LRRTM4: variants seen among roughly 807,000 people sequenced by gnomAD.
LRRTM4 encodes leucine rich repeat transmembrane neuronal 4, also known as leucine-rich repeat transmembrane neuronal protein 4.
In LRRTM4, 25 loss-of-function variants were observed where a neutral mutation model predicts 47.6. That is an observed-to-expected ratio of 0.53 (90% CI 0.38 to 0.73). The LOEUF is 0.73. LRRTM4 is among the 30% of genes least tolerant of loss of function. The pLI, the probability that LRRTM4 is intolerant of heterozygous loss-of-function variation, is 0.00. For synonymous variants in LRRTM4, 311 were observed against 269.5 expected, an observed-to-expected ratio of 1.15 and a Z score of -1.51; for missense variants, 638 against 713.4, an observed-to-expected ratio of 0.89 and a Z score of 1.20.
rs181481819 is a variant in LRRTM4, at chr2:76,870,784, T to C, written c.1552-121868A>G. ...TTGTAATGCCATAGAAAGTACATAC[T>C]TGTGGTGCAACCCTATGCTTATCAT... is the stretch of plus-strand genomic sequence containing the variant. On this transcript the variant is annotated intron_variant, in intron 3 of 3. Coordinates refer to ENST00000409884, the MANE Select transcript of LRRTM4 (RefSeq NM_001134745.3). Among the ~76,000 whole-genome samples the C allele has an allele frequency of 5.3e-5, 8 of 152,338 alleles. No individual in the cohort carries two copies. In the East Asian group the frequency reaches 7.7e-4, roughly 15 times the overall value.
Position 77,290,198 on chromosome 2 carries a change from G to A in LRRTM4, c.1551+228120C>T, listed in dbSNP as rs549186486. 8.6e-5 allele frequency among the ~76,000 whole-genome samples: 13 copies of A among 152,028 alleles called. No homozygotes were observed. The South Asian group carries it at 2.1e-3, about 24-fold the overall frequency. ...CCTACTATTAGGTGAAACTTTCCCA[G>A]TCACTATATGATATTAATTCAAGAC... On this transcript the variant is annotated intron_variant, in intron 3 of 3. Coordinates refer to ENST00000409884, the MANE Select transcript of LRRTM4 (RefSeq NM_001134745.3).
At chr2:76,978,136 T>A (rs75186552) in intron 3 of LRRTM4, among the ~76,000 whole-genome samples, 2,453 of 152,126 alleles carry the variant, frequency 0.016, 76 homozygotes, top group African/African-American at 0.056. Context: ...ATAGTTTTCT[T>A]TCTTTTATGA....
rs1029624923 is a variant in LRRTM4, at chr2:77,424,215, C to T, written c.1551+94103G>A. 3.9e-5 allele frequency among the ~76,000 whole-genome samples: 6 copies of T among 152,192 alleles called. No homozygotes were observed. The East Asian group carries it at 1.2e-3, about 29-fold the overall frequency. The stretch of plus-strand genomic sequence containing the variant: ...CATGCAAACTTGGAATTCTCCTGGG[C>T]ATATAGCAAGAGTTCTGTACATTTT... On this transcript the variant is annotated intron_variant, in intron 3 of 3. Coordinates refer to ENST00000409884, the MANE Select transcript of LRRTM4 (RefSeq NM_001134745.3).
chr2:77,189,774 C>A (rs1364798774), intron 3 of LRRTM4, among the ~76,000 whole-genome samples: 1 of 151,968 alleles, frequency 6.6e-6, no homozygotes. Flanking sequence ...TACATATACA[C>A]ACACACACAC....
At chr2:76,894,266 T>C (rs937260409) in intron 3 of LRRTM4, among the ~76,000 whole-genome samples, 7 of 152,156 alleles carry the variant, frequency 4.6e-5, no homozygotes, top group Non-Finnish European at 7.4e-5. Flanking sequence ...AACCTTATGA[T>C]ACTTATGCAC....
At chr2:76,975,179 T>G (rs1676376227) in intron 3 of LRRTM4, among the ~76,000 whole-genome samples, 1 of 151,864 alleles carries the variant, frequency 6.6e-6, no homozygotes, top group Admixed American at 6.6e-5. Flanking sequence ...GGAAAACCCA[T>G]AATTTGTTTT....
chr2:76,979,018 A>T (rs1676509165), intron 3 of LRRTM4, among the ~76,000 whole-genome samples: 1 of 152,042 alleles, frequency 6.6e-6, no homozygotes, highest in Non-Finnish European at 1.5e-5. Context: ...GAGTGGAGGA[A>T]AAGGACTTTG....
intron 3 of LRRTM4, among the ~76,000 whole-genome samples, chr2:76,795,384 TAAC>T (rs1339104128): frequency 6.6e-6 from 1 of 152,118 alleles, no homozygotes; most frequent in African/African-American, 2.4e-5. Flanking sequence ...ATAAGACAAT[TAAC>T]AAAAAGTCTA....
At chr2:77,447,234 C>G (rs940610860) in intron 3 of LRRTM4, among the ~76,000 whole-genome samples, 5 of 147,674 alleles carry the variant, frequency 3.4e-5, no homozygotes, top group African/African-American at 1.2e-4. Flanking sequence ...CAAATTTTTC[C>G]AAGGCAATTT....
chr2:76,883,926 C>A (rs1236777061), intron 3 of LRRTM4, among the ~76,000 whole-genome samples: 1 of 152,004 alleles, frequency 6.6e-6, no homozygotes, highest in African/African-American at 2.4e-5. Flanking sequence ...TCAAATGATA[C>A]TCCTGCCTCA....
intron 3 of LRRTM4, among the ~76,000 whole-genome samples, chr2:76,812,160 C>A (rs1449602020): frequency 2.0e-5 from 3 of 152,050 alleles, no homozygotes; most frequent in African/African-American, 7.2e-5. Context: ...CTAGTGGAAG[C>A]CTTTGAGGTC....
At chr2:76,842,705 T>C (rs560793973) in intron 3 of LRRTM4, among the ~76,000 whole-genome samples, 1 of 151,964 alleles carries the variant, frequency 6.6e-6, no homozygotes, top group Admixed American at 6.6e-5. Context: ...AATTTTCTTT[T>C]TTTAACTTTA....
intron 3 of LRRTM4, among the ~76,000 whole-genome samples, chr2:77,307,621 TA>T (rs1677321730): frequency 2.6e-5 from 2 of 78,192 alleles, no homozygotes; most frequent in African/African-American, 1.4e-4. Context: ...ATCTATATAT[TA>T]TAGAAATATA....
chr2:77,244,291 T>A (rs1675362548), intron 3 of LRRTM4, among the ~76,000 whole-genome samples: 1 of 146,816 alleles, frequency 6.8e-6, no homozygotes, highest in Non-Finnish European at 1.5e-5. Flanking sequence ...TACCCAGTAA[T>A]GGGATGGCTG....
intron 3 of LRRTM4, among the ~76,000 whole-genome samples, chr2:77,468,822 A>G (rs1677081160): frequency 6.6e-6 from 1 of 152,190 alleles, no homozygotes; most frequent in Non-Finnish European, 1.5e-5. Context: ...CCTAAGTTCC[A>G]CATGGATCCT....
rs200359850 is a variant in LRRTM4, at chr2:77,019,252, A to AC, written c.1552-270337dup. Among the ~76,000 whole-genome samples the AC allele has an allele frequency of 4.0e-3, 527 of 133,088 alleles. 16 individuals are homozygous for AC. The South Asian group carries it at 0.061, about 15-fold the overall frequency. The allele number at this position is 133,088 out of a possible 152,430, so 87.3% of individuals were successfully genotyped here. ...TGGATACTAAGCTTGTCACTGCTCT[A>AC]CAAAAAAAAAAAAAAAAAAAAAAAT... On this transcript the variant is annotated intron_variant, in intron 3 of 3. Transcript: ENST00000409884.
chr2:77,229,622 C>A (rs116643575), intron 3 of LRRTM4, among the ~76,000 whole-genome samples: 1,662 of 152,198 alleles, frequency 0.011, 32 homozygotes, highest in African/African-American at 0.038. Flanking sequence ...GTTGACAACT[C>A]TTCTGAAATA....
At chr2:77,293,067 C>CT (rs1676874412) in intron 3 of LRRTM4, among the ~76,000 whole-genome samples, 1 of 151,838 alleles carries the variant, frequency 6.6e-6, no homozygotes. Context: ...AGCTTGTATA[C>CT]TTGATAGCTT....
At chr2:76,829,082 C>T (rs973260661) in intron 3 of LRRTM4, among the ~76,000 whole-genome samples, 1 of 151,930 alleles carries the variant, frequency 6.6e-6, no homozygotes. Flanking sequence ...CCTGTGGTGT[C>T]CTTCAAGTCC....
Sources: gnomAD v4.1 joint callset for allele counts (sites outside exome capture counted in the v4.1 genomes callset) on GRCh38, gnomAD v4.1.1 for gene constraint, MANE v1.5 for transcripts, NCBI Gene and HGNC (gene_info 2026-07-23, HGNC 2026-07-21) for gene names.